Variants in OR5T1 observed in about 807,000 individuals in gnomAD.
OR5T1 encodes the protein olfactory receptor family 5 subfamily T member 1, also known as olfactory receptor 5T1.
Under a neutral mutation model 10.1 loss-of-function variants are expected in OR5T1, and 14 were observed. That is an observed-to-expected ratio of 1.39 (90% confidence interval 0.92 to 2.18). OR5T1 has a LOEUF of 2.18. Among genes scored for constraint, OR5T1 ranks in the 30% most tolerant of loss-of-function variants. The pLI, the probability that OR5T1 is intolerant of heterozygous loss-of-function variation, is 0.00. For missense variants in OR5T1, 461 were observed against 383.9 expected, an observed-to-expected ratio of 1.20 and a Z score of -1.68; for synonymous variants, 166 against 141.2, an observed-to-expected ratio of 1.18 and a Z score of -1.24.
Position 56,276,522 on chromosome 11 carries a change from C to A in OR5T1, c.884C>A (p.Pro295His). Residue 295 changes from proline to histidine, a missense_variant, in exon 3 of 3, where the codon CCC becomes CAC. Pro to His is a moderately conservative substitution (Grantham distance 77). Coordinates refer to ENST00000641665, the MANE Select transcript of OR5T1 (RefSeq NM_001004745.2). The stretch of plus-strand genomic sequence containing the variant: ...TCAATATTTTATACCATTGTGATTC[C>A]CATGCTGAATCCCATCATCTACAGT... ...IVSIFYTIVIPMLNPIIYSLR... is the reference protein window; with the variant it reads ...IVSIFYTIVIHMLNPIIYSLR... The A allele has an allele frequency of 6.2e-7, 1 of 1,612,992 alleles. No individual in the cohort carries two copies. The highest frequency in any genetic ancestry group is 8.5e-7 in the Non-Finnish European group (1 of 1,179,026).
In OR5T1 at chr11:56,275,370, T is replaced by C. The variant is rs1388517077; in HGVS notation, c.-153-116T>C. On this transcript the variant is annotated intron_variant, in intron 2 of 2. Transcript: ENST00000641665. The stretch of plus-strand genomic sequence containing the variant: ...ACGTGTGAGAACATGCGGTGTTTGG[T>C]TTTCGGTTCTTGAGATAGTTTGCTG... 4 of 294,698 alleles carry C rather than the reference T, an allele frequency of 1.4e-5. No homozygotes were observed. In the Admixed American group the frequency reaches 1.9e-4, roughly 14 times the overall value. 18.3% of individuals were successfully genotyped at this position (294,698 alleles called of 1,614,324 possible).
At position 56,274,765 on chromosome 11, in the gene OR5T1, T is replaced by C. The variant is rs1853914954; in HGVS notation, c.-154+12T>C. 6.7e-6 allele frequency: 1 copy of C among 149,454 alleles called. No homozygotes were observed. Among genetic ancestry groups the C allele is most frequent in the South Asian group, 2.1e-4 (1 of 4,758 alleles). 9.3% of individuals were successfully genotyped at this position (149,454 alleles called of 1,614,324 possible). A position where few individuals can be genotyped will look rare whatever the true frequency, so the allele number is the denominator to read the frequency against. The stretch of plus-strand genomic sequence containing the variant: ...TCCACCACCATTCTGTAAGTACTAA[T>C]GCAACAGCAGGATAATTGCCAAAAA... On this transcript the variant is annotated intron_variant, in intron 2 of 2. Coordinates refer to ENST00000641665, the MANE Select transcript of OR5T1 (RefSeq NM_001004745.2).
At position 56,276,512 on chromosome 11, in the gene OR5T1, A is replaced by G. The variant is rs1455367296; in HGVS notation, c.874A>G (p.Ile292Val). 8.1e-6 allele frequency: 13 copies of G among 1,613,896 alleles called. No homozygotes were observed. The highest frequency in any genetic ancestry group is 2.2e-5 in the East Asian group (1 of 44,884). Residue 292 changes from isoleucine to valine, a missense_variant, in exon 3 of 3, where the codon ATT becomes GTT. Coordinates refer to ENST00000641665, the MANE Select transcript of OR5T1 (RefSeq NM_001004745.2). ...CATGATAGTGTCAATATTTTATACC[A>G]TTGTGATTCCCATGCTGAATCCCAT... ...NDMIVSIFYT[I>V]VIPMLNPIIY...
chr11:56,275,419 C>G (rs567002860), intron 2 of OR5T1, 67 bp from the exon 3 acceptor site: 1 of 390,060 alleles, frequency 2.6e-6, no homozygotes, highest in Non-Finnish European at 4.5e-6. Context: ...CCAGCTTCAT[C>G]CATGTTAAAA....
chr11:56,276,647 A>G lies in OR5T1; in HGVS notation c.*28A>G, dbSNP rs1357448670. 6.5e-7 allele frequency: 1 copy of G among 1,533,410 alleles called. No homozygotes were observed. Among genetic ancestry groups the G allele is most frequent in the Non-Finnish European group, 8.9e-7 (1 of 1,121,734 alleles). The allele number at this position is 1,533,410 out of a possible 1,614,324, so 95.0% of individuals were successfully genotyped here. ...TTAAAATTGAGTAAAGTTGCAAATAATATTGGGTGTCAGTCCACATCTCTA... is the reference window on the plus strand; with the variant it reads ...TTAAAATTGAGTAAAGTTGCAAATAGTATTGGGTGTCAGTCCACATCTCTA... On this transcript the variant is annotated 3_prime_UTR_variant, in exon 3 of 3. Coordinates refer to ENST00000641665, the MANE Select transcript of OR5T1 (RefSeq NM_001004745.2).
Position 56,275,419 on chromosome 11 carries a change from C to T in OR5T1, c.-153-67C>T, listed in dbSNP as rs567002860. ...TGAGAATGATGGCTTCCAGCTTCAT[C>T]CATGTTAAAAAGATAAATTTAGTGC... On this transcript the variant is annotated intron_variant, in intron 2 of 2. Transcript: ENST00000641665. 7.2e-5 allele frequency: 28 copies of T among 390,178 alleles called. No homozygotes were observed. In the East Asian group the frequency reaches 1.1e-3, roughly 16 times the overall value. 24.2% of individuals were successfully genotyped at this position (390,178 alleles called of 1,614,324 possible). A position where few individuals can be genotyped will look rare whatever the true frequency, so the allele number is the denominator to read the frequency against.
Position 56,276,774 on chromosome 11 carries a change from A to G in OR5T1, c.*155A>G. On this transcript the variant is annotated 3_prime_UTR_variant, in exon 3 of 3. Coordinates refer to ENST00000641665, the MANE Select transcript of OR5T1 (RefSeq NM_001004745.2). ...GCATCAATCAGCCTACTAATTCACC[A>G]TTTTAGAAATATCAATATATTGTAT... The G allele has an allele frequency of 3.3e-6, 2 of 611,290 alleles. No individual in the cohort carries two copies. Among genetic ancestry groups the G allele is most frequent in the South Asian group, 2.1e-5 (1 of 48,082 alleles). The allele number at this position is 611,290 out of a possible 1,614,324, so 37.9% of individuals were successfully genotyped here.
At position 56,276,391 on chromosome 11, in the gene OR5T1, T is replaced by C; in HGVS notation, c.753T>C (p.Ser251=). ...QSAEGRRKVF[S]TCGAHLTGVT... is the part of the protein sequence containing the mutation. ...CTGAAGGGAGGAGAAAAGTCTTCTC[T>C]ACATGTGGAGCTCACCTAACTGGAG... The change falls in exon 3 of 3, where the codon TCT becomes TCC. Residue 251 remains serine (S), a synonymous_variant. Coordinates refer to ENST00000641665, the MANE Select transcript of OR5T1 (RefSeq NM_001004745.2). 1.2e-6 allele frequency: 2 copies of C among 1,614,136 alleles called. No homozygotes were observed. Among genetic ancestry groups the C allele is most frequent in the Non-Finnish European group, 1.7e-6 (2 of 1,180,004 alleles).
Position 56,276,280 on chromosome 11 carries a change from TG to T in OR5T1, c.643del (p.Val215TrpfsTer6). 2.5e-6 allele frequency: 4 copies of T among 1,614,172 alleles called. No individual in the cohort carries two copies. The highest frequency in any genetic ancestry group is 3.4e-6 in the Non-Finnish European group (4 of 1,180,014). ...HVIQLLFFYF[V>X]GSIEIVTILI... The stretch of plus-strand genomic sequence containing the variant: ...TAATCCAGCTTCTATTCTTCTACTT[TG>T]TGGGCTCTATTGAGATAGTCACTAT... On this transcript the variant is annotated frameshift_variant, in exon 3 of 3. Coordinates refer to ENST00000641665, the MANE Select transcript of OR5T1 (RefSeq NM_001004745.2). LOFTEE classifies it low-confidence loss of function (END_TRUNC).
rs192985873 is a variant in OR5T1, at chr11:56,275,501, G to T, written c.-138G>T. On this transcript the variant is annotated 5_prime_UTR_variant, in exon 3 of 3. Coordinates refer to ENST00000641665, the MANE Select transcript of OR5T1 (RefSeq NM_001004745.2). The stretch of plus-strand genomic sequence containing the variant: ...TTAATTACAGTAATGTATCCACTTG[G>T]ACCCAATTTTATCACCACCTGTGCA... The T allele has an allele frequency of 6.1e-5, 38 of 620,708 alleles. No homozygotes were observed. Among genetic ancestry groups the T allele is most frequent in the Admixed American group, 4.1e-4 (15 of 36,526 alleles). 38.5% of individuals were successfully genotyped at this position (620,708 alleles called of 1,614,324 possible).
chr11:56,274,944 A>G (rs1162672214), intron 2 of OR5T1, among the ~76,000 whole-genome samples, 191 bp downstream of exon 2: 3 of 152,202 alleles, frequency 2.0e-5, no homozygotes, highest in Non-Finnish European at 4.4e-5. Flanking sequence ...ACCCACTCTT[A>G]TAATGTAGAT....
In OR5T1 at chr11:56,276,042, A is replaced by T. The variant is rs771387832; in HGVS notation, c.404A>T (p.Tyr135Phe). ...TTGGCTGCAATGGCTTATGATCGCT[A>T]TGTAGCCATCTACAACCCTCTCCTG... is the stretch of plus-strand genomic sequence containing the variant. ...FLLAAMAYDR[Y>F]VAIYNPLLYS... is the part of the protein sequence containing the mutation. Residue 135 changes from tyrosine (Y) to phenylalanine (F), a missense_variant, in exon 3 of 3, where the codon TAT (tyrosine) becomes TTT (phenylalanine). Physicochemically the swap from Tyr to Phe is conservative, Grantham distance 22 (BLOSUM62 3). Transcript: ENST00000641665. The T allele has an allele frequency of 6.2e-7, 1 of 1,614,186 alleles. No homozygotes were observed. Among genetic ancestry groups the T allele is most frequent in the Non-Finnish European group, 8.5e-7 (1 of 1,180,030 alleles).
rs1323481382 is a variant in OR5T1 at position 56,275,574 on chromosome 11, G to GAT, written c.-61_-60dup. 9 of 1,265,640 alleles carry GAT rather than the reference G, an allele frequency of 7.1e-6. No individual in the cohort carries two copies. The African/African-American group carries it at 9.0e-5, about 13-fold the overall frequency. 78.4% of individuals were successfully genotyped at this position (1,265,640 alleles called of 1,614,324 possible). ...TGCTTTTCCAAGAAACGAACATGAG[G>GAT]ATATAATTGGATAAACTTAATTTTC... On this transcript the variant is annotated 5_prime_UTR_variant, in exon 3 of 3. It removes the in-frame stop codon of an upstream open reading frame in the 5' UTR. Transcript: ENST00000641665.
At position 56,276,574 on chromosome 11, in the gene OR5T1, A is replaced by T. The variant is rs148135770; in HGVS notation, c.936A>T (p.Ala312=). The T allele has an allele frequency of 4.3e-6, 7 of 1,611,862 alleles. No individual in the cohort carries two copies. In the South Asian group the frequency reaches 7.7e-5, roughly 18 times the overall value. ...TGCGGAACAAAGATGTAAAGGAGGC[A>T]ATCAAAAGATTGCTTGTGAGAAATT... ...YSLRNKDVKE[A]IKRLLVRNWF... is the part of the protein sequence containing the mutation. The change falls in exon 3 of 3, where the codon GCA becomes GCT. Residue 312 remains alanine (A), a synonymous_variant. Transcript: ENST00000641665.
chr11:56,275,380 T>C (rs1853924030), intron 2 of OR5T1, 106 bp from the exon 3 acceptor site: 1 of 320,178 alleles, frequency 3.1e-6, no homozygotes, highest in African/African-American at 2.1e-5. Flanking sequence ...TTTTCGGTTC[T>C]TGAGATAGTT....
Position 56,276,671 on chromosome 11 carries a change from T to G in OR5T1, c.*52T>G. On this transcript the variant is annotated 3_prime_UTR_variant, in exon 3 of 3. Coordinates refer to ENST00000641665, the MANE Select transcript of OR5T1 (RefSeq NM_001004745.2). ...AATATTGGGTGTCAGTCCACATCTC[T>G]ATGGTCAGAAAGTAGAGAAGAAAAT... is the stretch of plus-strand genomic sequence containing the variant. 1.5e-5 allele frequency: 20 copies of G among 1,309,526 alleles called. No homozygotes were observed. Among genetic ancestry groups the G allele is most frequent in the Non-Finnish European group, 2.0e-5 (19 of 935,470 alleles). The allele number at this position is 1,309,526 out of a possible 1,614,324, so 81.1% of individuals were successfully genotyped here.
At position 56,276,449 on chromosome 11, in the gene OR5T1, T is replaced by C. The variant is rs746985420; in HGVS notation, c.811T>C (p.Tyr271His). Residue 271 changes from tyrosine to histidine, a missense_variant, in exon 3 of 3, where the codon TAT (tyrosine) becomes CAT (histidine). By Grantham distance (83) the Tyr-to-His change is moderately conservative. Transcript: ENST00000641665. ...TTATCATGGGACAATCCTCTTCATGTATGTGAGACCAAGTTCCAGCTACAC... is the reference window on the plus strand; with the variant it reads ...TTATCATGGGACAATCCTCTTCATGCATGTGAGACCAAGTTCCAGCTACAC... ...TIYHGTILFM[Y>H]VRPSSSYTSD... 6.2e-7 allele frequency: 1 copy of C among 1,614,028 alleles called. No individual in the cohort carries two copies. The highest frequency in any genetic ancestry group is 8.5e-7 in the Non-Finnish European group (1 of 1,179,916).
rs1338525156 is a variant in OR5T1 at position 56,275,987 on chromosome 11, T to C, written c.349T>C (p.Cys117Arg). 6.2e-7 allele frequency: 1 copy of C among 1,614,210 alleles called. No homozygotes were observed. Among genetic ancestry groups the C allele is most frequent in the Non-Finnish European group, 8.5e-7 (1 of 1,180,028 alleles). Residue 117 changes from cysteine (C) to arginine (R), a missense_variant, in exon 3 of 3, where the codon TGT (cysteine) becomes CGT (arginine). By Grantham distance (180) the Cys-to-Arg change is radical (BLOSUM62 -3). Coordinates refer to ENST00000641665, the MANE Select transcript of OR5T1 (RefSeq NM_001004745.2). ...ATGTGCAACACAGATGTTTCTTGCTTGTACTTTTGGAACCACAGAATGCTT... is the reference window on the plus strand; with the variant it reads ...ATGTGCAACACAGATGTTTCTTGCTCGTACTTTTGGAACCACAGAATGCTT... ...LGCATQMFLA[C>R]TFGTTECFLL...
At position 56,275,519 on chromosome 11, in the gene OR5T1, C is replaced by T. The variant is rs1006202992; in HGVS notation, c.-120C>T. ...CCACTTGGACCCAATTTTATCACCA[C>T]CTGTGCATTTGCTGACAAGGATTTC... On this transcript the variant is annotated 5_prime_UTR_variant, in exon 3 of 3. Transcript: ENST00000641665. 1 of 715,558 alleles carries T rather than the reference C, an allele frequency of 1.4e-6. No homozygotes were observed. Among genetic ancestry groups the T allele is most frequent in the Non-Finnish European group, 2.3e-6 (1 of 427,322 alleles). 44.3% of individuals were successfully genotyped at this position (715,558 alleles called of 1,614,324 possible). A position where few individuals can be genotyped will look rare whatever the true frequency, so the allele number is the denominator to read the frequency against.
Sources: gnomAD v4.1 joint callset for allele counts (sites outside exome capture counted in the v4.1 genomes callset) on GRCh38, gnomAD v4.1.1 for gene constraint, MANE v1.5 for transcripts, NCBI Gene and HGNC (gene_info 2026-07-23, HGNC 2026-07-21) for gene names.